Variants in ACOT7 observed in about 807,000 individuals in gnomAD.
ACOT7 encodes the protein acyl-CoA thioesterase 7.
Under a neutral mutation model 40.2 loss-of-function variants are expected in ACOT7, and 12 were observed. The observed-to-expected ratio is 0.30, with a 90% CI of 0.19 to 0.48. ACOT7 has a LOEUF of 0.48. Among genes scored for constraint, ACOT7 ranks in the 20% least tolerant of loss-of-function variants. The probability of loss-of-function intolerance (pLI) is 0.99; values close to 1 mark genes in which losing one functional copy is unlikely to be tolerated. For missense variants in ACOT7, 395 were observed against 530.8 expected, an observed-to-expected ratio of 0.74 and a Z score of 2.51; for synonymous variants, 228 against 219.5, an observed-to-expected ratio of 1.04 and a Z score of -0.34.
chr1:6,325,544 T>C (rs1311910059), intron 5 of ACOT7, among the ~76,000 whole-genome samples: 4 of 152,212 alleles, frequency 2.6e-5, no homozygotes, highest in East Asian at 1.9e-4. Flanking sequence ...AAACCTACAG[T>C]GGTTTCCCCA....
chr1:6,273,111 C>A lies in ACOT7; in HGVS notation c.1014+7991G>T, dbSNP rs530705160. ...TTTAACCCCCCGCAGCCGGTTAGGCCACAGTGGCATCAGAAGAGCTACCTA... is the reference window on the plus strand; with the variant it reads ...TTTAACCCCCCGCAGCCGGTTAGGCAACAGTGGCATCAGAAGAGCTACCTA... On this transcript the variant is annotated intron_variant, in intron 8 of 8. Coordinates refer to ENST00000361521, the MANE Select transcript of ACOT7 (RefSeq NM_007274.4). 1.7e-3 allele frequency among the ~76,000 whole-genome samples: 259 copies of A among 152,360 alleles called. 1 individual carries two copies. The highest frequency in any genetic ancestry group is 5.9e-3 in the African/African-American group (245 of 41,592).
At chr1:6,308,557 G>A (rs983694891) in intron 6 of ACOT7, among the ~76,000 whole-genome samples, 40 of 146,176 alleles carry the variant, frequency 2.7e-4, no homozygotes, top group Non-Finnish European at 3.7e-4. Context: ...AGCCACAGGC[G>A]GAGGGAACAG....
rs1243825394 is a variant in ACOT7, at chr1:6,355,142, C to T, written c.144-5276G>A. On this transcript the variant is annotated intron_variant, in intron 1 of 8. Coordinates refer to ENST00000361521, the MANE Select transcript of ACOT7 (RefSeq NM_007274.4). This position sits in a 1 kb window ranked among gnomAD's most constrained non-coding sequence, Gnocchi z 5.0. ...GCCCTTCCCACCGTTCTACCTGTCC[C>T]AGCAACGCCTGACCCACCCTTTGTG... Among the ~76,000 whole-genome samples the T allele has an allele frequency of 6.6e-6, 1 of 152,142 alleles. No homozygotes were observed. The highest frequency in any genetic ancestry group is 1.5e-5 in the Non-Finnish European group (1 of 68,030).
At chr1:6,280,475 G>A (rs1413397645) in intron 8 of ACOT7, among the ~76,000 whole-genome samples, 1 of 152,242 alleles carries the variant, frequency 6.6e-6, no homozygotes, top group Non-Finnish European at 1.5e-5. Flanking sequence ...AGGGGATGTG[G>A]ACACCTGGGG....
At position 6,393,481 on chromosome 1, in the gene ACOT7, C is replaced by A; in HGVS notation, c.-82G>T. The A allele has an allele frequency of 8.7e-7, 1 of 1,149,856 alleles. No homozygotes were observed. Among genetic ancestry groups the A allele is most frequent in the Non-Finnish European group, 1.1e-6 (1 of 918,714 alleles). 71.2% of individuals were successfully genotyped at this position (1,149,856 alleles called of 1,614,324 possible). ...GGGGCAATCGAACGCGGCCTCCCCG[C>A]GCCGACCCCGCCCCCGCGCCGGCCC... On this transcript the variant is annotated 5_prime_UTR_variant, in exon 1 of 9. Coordinates refer to ENST00000361521, the MANE Select transcript of ACOT7 (RefSeq NM_007274.4).
intron 6 of ACOT7, among the ~76,000 whole-genome samples, chr1:6,310,965 T>C (rs904490916): frequency 1.3e-5 from 2 of 152,212 alleles, no homozygotes; most frequent in African/African-American, 4.8e-5. Context: ...CTTGAACTCC[T>C]GACCTCAAGT....
intron 6 of ACOT7, among the ~76,000 whole-genome samples, chr1:6,308,314 AACT>A (rs1640224222): frequency 6.6e-6 from 1 of 151,210 alleles, no homozygotes; most frequent in South Asian, 2.1e-4. Context: ...GACCAGAGGG[AACT>A]ACAACCGGGC....
Position 6,306,397 on chromosome 1 carries a change from T to C in ACOT7, c.713-11417A>G. Reference sequence around the variant, plus strand: ...GGACAAAGTGAGTTCCTGGGACAGGTGCCTATAGGATGCTTGGACTGGAGT... The same window carrying C: ...GGACAAAGTGAGTTCCTGGGACAGGCGCCTATAGGATGCTTGGACTGGAGT... On this transcript the variant is annotated intron_variant, in intron 6 of 8. Coordinates refer to ENST00000361521, the MANE Select transcript of ACOT7 (RefSeq NM_007274.4). This position sits in a 1 kb window ranked among gnomAD's most constrained non-coding sequence, Gnocchi z 4.3. 1.0e-6 allele frequency: 1 copy of C among 985,222 alleles called. No homozygotes were observed. Among genetic ancestry groups the C allele is most frequent in the Non-Finnish European group, 1.2e-6 (1 of 829,868 alleles). 61.0% of individuals were successfully genotyped at this position (985,222 alleles called of 1,614,324 possible). A position where few individuals can be genotyped will look rare whatever the true frequency, so the allele number is the denominator to read the frequency against.
rs2148408461 is a variant in ACOT7 at position 6,306,120 on chromosome 1, G to A, written c.713-11140C>T. 1 of 542,808 alleles carries A rather than the reference G, an allele frequency of 1.8e-6. No homozygotes were observed. Among genetic ancestry groups the A allele is most frequent in the East Asian group, 1.5e-4 (1 of 6,758 alleles). 33.6% of individuals were successfully genotyped at this position (542,808 alleles called of 1,614,324 possible). A position where few individuals can be genotyped will look rare whatever the true frequency, so the allele number is the denominator to read the frequency against. On this transcript the variant is annotated intron_variant, in intron 6 of 8. Coordinates refer to ENST00000361521, the MANE Select transcript of ACOT7 (RefSeq NM_007274.4). The surrounding 1 kb of genome is among the most constrained non-coding windows in gnomAD (Gnocchi z 4.3). ...AGGAGAATCAGGCAGGGAGGTTGCA[G>A]TGAGCCAAGATGGCAGCAGCACAGT...
intron 1 of ACOT7, among the ~76,000 whole-genome samples, chr1:6,357,194 G>A (rs1198980886): frequency 1.3e-5 from 2 of 151,934 alleles, no homozygotes; most frequent in East Asian, 1.9e-4. Flanking sequence ...CCAAGATCGC[G>A]CCATTGCACT....
chr1:6,273,636 C>T (rs1196754775), intron 8 of ACOT7, among the ~76,000 whole-genome samples: 1 of 137,160 alleles, frequency 7.3e-6, no homozygotes, highest in Non-Finnish European at 1.5e-5. Context: ...ACCTTCTGCA[C>T]TCCAGTAACA....
intron 1 of ACOT7, among the ~76,000 whole-genome samples, chr1:6,374,243 A>C (rs570298435): frequency 2.6e-5 from 4 of 152,278 alleles, no homozygotes; most frequent in African/African-American, 9.6e-5. Flanking sequence ...GAGGTGGCCA[A>C]ATGGCCCTGG....
At chr1:6,349,057 C>A (rs1185991856) in intron 2 of ACOT7, among the ~76,000 whole-genome samples, 1 of 152,198 alleles carries the variant, frequency 6.6e-6, no homozygotes, top group Non-Finnish European at 1.5e-5. Flanking sequence ...GTCCTCAGCA[C>A]CCAAGGGCTG....
chr1:6,316,475 A>G (rs955975357), intron 6 of ACOT7, among the ~76,000 whole-genome samples: 3 of 152,218 alleles, frequency 2.0e-5, no homozygotes, highest in East Asian at 3.9e-4. Flanking sequence ...GAAAACAATC[A>G]TGAAGTAGGA....
At chr1:6,328,026 C>T (rs1640854714) in intron 4 of ACOT7, among the ~76,000 whole-genome samples, 1 of 152,194 alleles carries the variant, frequency 6.6e-6, no homozygotes, top group Non-Finnish European at 1.5e-5. Flanking sequence ...CCCGCCTCAG[C>T]CTCCCAAAGT....
At chr1:6,383,168 C>CA (rs1642378829) in intron 1 of ACOT7, among the ~76,000 whole-genome samples, 1 of 151,368 alleles carries the variant, frequency 6.6e-6, no homozygotes. Context: ...TGTGAGCCAC[C>CA]ATGCCCGGCT....
intron 8 of ACOT7, among the ~76,000 whole-genome samples, chr1:6,279,065 C>T (rs2148376159): frequency 6.6e-6 from 1 of 152,252 alleles, no homozygotes; most frequent in South Asian, 2.1e-4. Context: ...GGCGTCGGGT[C>T]CATGGGGAGA....
intron 5 of ACOT7, among the ~76,000 whole-genome samples, chr1:6,323,508 A>T (rs987939014): frequency 6.6e-6 from 1 of 152,088 alleles, no homozygotes; most frequent in Admixed American, 6.5e-5. Flanking sequence ...GCCTGAGGTC[A>T]GGAGTTCGAG....
At chr1:6,286,892 G>A (rs1374603492) in intron 7 of ACOT7, among the ~76,000 whole-genome samples, 2 of 152,178 alleles carry the variant, frequency 1.3e-5, no homozygotes, top group Non-Finnish European at 2.9e-5. Context: ...TGCCCCAGGG[G>A]CACCGCTGGA....
Sources: allele counts gnomAD v4.1 joint callset (sites outside exome capture counted in the v4.1 genomes callset), GRCh38; gene constraint gnomAD v4.1.1; non-coding constraint Gnocchi (gnomAD v3.1); transcripts MANE v1.5; gene names NCBI Gene and HGNC (gene_info 2026-07-23, HGNC 2026-07-21).